SPATA17: variants seen among roughly 807,000 people sequenced by gnomAD.
SPATA17 encodes the protein spermatogenesis-associated protein 17.
A neutral mutation model predicts 62.2 loss-of-function variants in SPATA17; 53 were observed. That is an observed-to-expected ratio of 0.85 (90% CI 0.68 to 1.07). SPATA17 has a LOEUF of 1.07. Ranked by LOEUF, SPATA17 falls within the 50% of genes least tolerant of loss-of-function variation. SPATA17 has a pLI of 0.00. For missense variants in SPATA17, 466 were observed against 425.5 expected, an observed-to-expected ratio of 1.10 and a Z score of -0.84; for synonymous variants, 146 against 146.8, an observed-to-expected ratio of 0.99 and a Z score of 0.04.
At chr1:217,835,069 A>C (rs987620768) in intron 9 of SPATA17, among the ~76,000 whole-genome samples, 1 of 152,166 alleles carries the variant, frequency 6.6e-6, no homozygotes, top group Non-Finnish European at 1.5e-5. Flanking sequence ...TGTGTAGTAG[A>C]TTATACCATC....
intron 7 of SPATA17, among the ~76,000 whole-genome samples, chr1:217,778,024 A>G (rs114324945): frequency 0.011 from 1,650 of 152,216 alleles, 21 homozygotes; most frequent in African/African-American, 0.038. Context: ...CTATTAGTGT[A>G]AGTAATCATC....
At chr1:217,818,610 G>A (rs992908430) in intron 9 of SPATA17, among the ~76,000 whole-genome samples, 2 of 151,770 alleles carry the variant, frequency 1.3e-5, no homozygotes, top group African/African-American at 4.8e-5. Context: ...ATAATCTTAT[G>A]GGAACATCAT....
chr1:217,738,584 G>A (rs1672563572), intron 5 of SPATA17, among the ~76,000 whole-genome samples: 1 of 152,192 alleles, frequency 6.6e-6, no homozygotes. Flanking sequence ...TTACAAATGA[G>A]GATATTGCAG....
At chr1:217,788,056 A>G (rs1051973638) in intron 8 of SPATA17, among the ~76,000 whole-genome samples, 2 of 152,136 alleles carry the variant, frequency 1.3e-5, no homozygotes, top group African/African-American at 4.8e-5. Flanking sequence ...ATGGTACCAG[A>G]GCTATTCAAT....
chr1:217,653,172 T>G (rs1193481944), intron 3 of SPATA17, among the ~76,000 whole-genome samples: 1 of 152,186 alleles, frequency 6.6e-6, no homozygotes, highest in Non-Finnish European at 1.5e-5. Context: ...GATAGATACA[T>G]AGGCATACAA....
At position 217,862,705 on chromosome 1, in the gene SPATA17, A is replaced by G. The variant is rs933602919; in HGVS notation, c.1006-69A>G. ...TCTGTCTAGCAATTTAATCTAAATAATAACAATAATGGTAATAACATAAAA... is the reference window on the plus strand; with the variant it reads ...TCTGTCTAGCAATTTAATCTAAATAGTAACAATAATGGTAATAACATAAAA... On this transcript the variant is annotated intron_variant, in intron 9 of 10. Transcript: ENST00000366933. The G allele has an allele frequency of 2.2e-5, 25 of 1,123,906 alleles. No homozygotes were observed. In the African/African-American group the frequency reaches 3.9e-4, roughly 18 times the overall value. The allele number at this position is 1,123,906 out of a possible 1,614,324, so 69.6% of individuals were successfully genotyped here. A position where few individuals can be genotyped will look rare whatever the true frequency, so the allele number is the denominator to read the frequency against.
chr1:217,832,221 T>G (rs1386588641), intron 9 of SPATA17, among the ~76,000 whole-genome samples: 2 of 152,150 alleles, frequency 1.3e-5, no homozygotes, highest in African/African-American at 4.8e-5. Flanking sequence ...ACATATAAAA[T>G]GTATGCTTAG....
At position 217,867,867 on chromosome 1, in the gene SPATA17, T is replaced by G. The variant is rs1676048578; in HGVS notation, c.*848T>G. The G allele has an allele frequency of 6.6e-6, 1 of 152,190 alleles. No individual in the cohort carries two copies. The highest frequency in any genetic ancestry group is 1.5e-5 in the Non-Finnish European group (1 of 68,034). The allele number at this position is 152,190 out of a possible 1,614,324, so 9.4% of individuals were successfully genotyped here. A position where few individuals can be genotyped will look rare whatever the true frequency, so the allele number is the denominator to read the frequency against. The stretch of plus-strand genomic sequence containing the variant: ...GCATCTGAAGAGAATAACACTAAAC[T>G]TATTGCATATGATTTGGGGGTTGGA... On this transcript the variant is annotated 3_prime_UTR_variant, in exon 11 of 11. Coordinates refer to ENST00000366933, the MANE Select transcript of SPATA17 (RefSeq NM_138796.4).
At chr1:217,740,169 C>CTTTTTTTTTTTTTTTTTTT (rs1553371121) in intron 5 of SPATA17, among the ~76,000 whole-genome samples, 1 of 150,370 alleles carries the variant, frequency 6.7e-6, no homozygotes, top group Non-Finnish European at 1.5e-5. Context: ...GGCCTTTCTT[C>CTTTTTTTTTTTTTTTTTTT]TTATATAAGA....
intron 6 of SPATA17, among the ~76,000 whole-genome samples, chr1:217,751,407 T>C (rs1168952212): frequency 6.6e-6 from 1 of 152,196 alleles, no homozygotes; most frequent in Non-Finnish European, 1.5e-5. Context: ...ATCCATAGTT[T>C]AAGAGGCAGG....
At position 217,850,712 on chromosome 1, in the gene SPATA17, C is replaced by G. The variant is rs929500309; in HGVS notation, c.1006-12062C>G. The stretch of plus-strand genomic sequence containing the variant: ...ACAGGAACACCTCCACACGCTCACC[C>G]GACAAAGCCATTCACCCCTCCAGAA... On this transcript the variant is annotated intron_variant, in intron 9 of 10. Coordinates refer to ENST00000366933, the MANE Select transcript of SPATA17 (RefSeq NM_138796.4). The G allele has an allele frequency of 1.6e-5, 18 of 1,116,940 alleles. No homozygotes were observed. In the East Asian group the frequency reaches 4.5e-4, roughly 28 times the overall value. 69.2% of individuals were successfully genotyped at this position (1,116,940 alleles called of 1,614,324 possible).
chr1:217,730,408 G>A (rs765933290), intron 5 of SPATA17, among the ~76,000 whole-genome samples: 1 of 151,814 alleles, frequency 6.6e-6, no homozygotes, highest in Non-Finnish European at 1.5e-5. Context: ...GTAGAGACAG[G>A]GTTTCACCAT....
At chr1:217,738,364 C>T (rs6662691) in intron 5 of SPATA17, among the ~76,000 whole-genome samples, 46 of 152,182 alleles carry the variant, frequency 3.0e-4, no homozygotes, top group African/African-American at 8.7e-4. Flanking sequence ...AGGAGGAGAC[C>T]ACCAAGGGAA....
chr1:217,846,663 T>C (rs1675536910), intron 9 of SPATA17, among the ~76,000 whole-genome samples: 1 of 152,064 alleles, frequency 6.6e-6, no homozygotes, highest in South Asian at 2.1e-4. Flanking sequence ...TTTTTGCCTG[T>C]CCACATCAGA....
At chr1:217,662,364 T>C (rs1327641040) in intron 3 of SPATA17, among the ~76,000 whole-genome samples, 2 of 152,138 alleles carry the variant, frequency 1.3e-5, no homozygotes, top group Non-Finnish European at 2.9e-5. Flanking sequence ...ATAACATATG[T>C]ATGGCAACCA....
chr1:217,759,117 G>C (rs1239997243), intron 6 of SPATA17, among the ~76,000 whole-genome samples: 1 of 152,160 alleles, frequency 6.6e-6, no homozygotes, highest in Non-Finnish European at 1.5e-5. Flanking sequence ...CAGCAAGTCA[G>C]TTTATGATAA....
intron 6 of SPATA17, among the ~76,000 whole-genome samples, chr1:217,749,973 C>CTATATA (rs1307343377): frequency 1.1e-3 from 46 of 43,696 alleles, no homozygotes; most frequent in Middle Eastern, 8.8e-3. Flanking sequence ...CTCTCTCTCT[C>CTATATA]TCTCTCTCTC....
At chr1:217,633,221 TAAATA>T (rs1669859145) in intron 1 of SPATA17, among the ~76,000 whole-genome samples, 1 of 151,104 alleles carries the variant, frequency 6.6e-6, no homozygotes, top group South Asian at 2.1e-4. Flanking sequence ...AATAAATAAA[TAAATA>T]AATAAATAAT....
chr1:217,699,516 G>A (rs1478438848), intron 5 of SPATA17, among the ~76,000 whole-genome samples: 1 of 151,956 alleles, frequency 6.6e-6, no homozygotes, highest in African/African-American at 2.4e-5. Flanking sequence ...TTTGAGAACT[G>A]TCTTTTCATG....
Sources: allele counts gnomAD v4.1 joint callset (sites outside exome capture counted in the v4.1 genomes callset), GRCh38; gene constraint gnomAD v4.1.1; transcripts MANE v1.5; gene names NCBI Gene and HGNC (gene_info 2026-07-23, HGNC 2026-07-21).